The following PLCE1 variants were observed in gnomAD, a reference collection of about 807,000 sequenced individuals.
The protein encoded by PLCE1 is 1-phosphatidylinositol 4,5-bisphosphate phosphodiesterase epsilon-1.
In PLCE1, 119 loss-of-function variants were observed where a neutral mutation model predicts 242.8. The ratio of observed to expected loss-of-function variants is 0.49; its 90% CI spans 0.42 to 0.57. The LOEUF (loss-of-function observed/expected upper bound fraction) is 0.57. PLCE1 is among the 20% of genes least tolerant of loss of function. The pLI is 0.00. For missense variants in PLCE1, 2,441 were observed against 2,788.8 expected, an observed-to-expected ratio of 0.88 and a Z score of 2.81; for synonymous variants, 945 against 1,017.4, an observed-to-expected ratio of 0.93 and a Z score of 1.35.
intron 22 of PLCE1, among the ~76,000 whole-genome samples, chr10:94,288,785 G>C (rs1428957467): frequency 6.6e-6 from 1 of 152,184 alleles, no homozygotes; most frequent in East Asian, 1.9e-4. Flanking sequence ...GCCACATGGG[G>C]AGAGCCTTGC....
chr10:94,212,001 A>G (rs915075637), intron 4 of PLCE1, among the ~76,000 whole-genome samples: 4 of 152,234 alleles, frequency 2.6e-5, no homozygotes, highest in Non-Finnish European at 4.4e-5. Flanking sequence ...CTTGAGAAAT[A>G]CTGAATATTA....
chr10:94,026,077 A>C (rs1050536764), intron 1 of PLCE1, among the ~76,000 whole-genome samples: 5 of 152,186 alleles, frequency 3.3e-5, no homozygotes, highest in African/African-American at 1.2e-4. Context: ...GGGACTCAGT[A>C]TGTAGTTTTC....
At chr10:93,995,265 T>C (rs1678737624) in intron 1 of PLCE1, among the ~76,000 whole-genome samples, 1 of 152,184 alleles carries the variant, frequency 6.6e-6, no homozygotes, top group Non-Finnish European at 1.5e-5. Context: ...CATAAATACT[T>C]TTCTGAAGAA....
At chr10:94,262,880 T>C (rs533341130) in intron 14 of PLCE1, 148 bp downstream of exon 14, 1 of 724,714 alleles carries the variant, frequency 1.4e-6, no homozygotes, top group Admixed American at 2.0e-5. Flanking sequence ...TTTGTTTTTT[T>C]GGGTGTTTTT....
At chr10:94,287,246 CCT>C (rs1399694337) in intron 22 of PLCE1, 3 of 151,826 alleles carry the variant, frequency 2.0e-5, no homozygotes, top group Admixed American at 6.6e-5. Context: ...ACATTTTTTC[CCT>C]GATTTTATTT....
intron 4 of PLCE1, among the ~76,000 whole-genome samples, chr10:94,171,897 C>T (rs1162624405): frequency 2.6e-5 from 4 of 152,100 alleles, no homozygotes; most frequent in Non-Finnish European, 5.9e-5. Context: ...TAACCAACCC[C>T]CTGACCCCCT....
At position 94,310,249 on chromosome 10, in the gene PLCE1, C is replaced by T. The variant is rs111561257; in HGVS notation, c.6003+1550C>T. Among the ~76,000 whole-genome samples the T allele has an allele frequency of 8.2e-3, 1,256 of 152,316 alleles. 29 individuals carry two copies. The highest frequency in any genetic ancestry group is 0.029 in the African/African-American group (1,198 of 41,550). On this transcript the variant is annotated intron_variant, in intron 27 of 32. Transcript: ENST00000371380. ...CTGGCCATGATGGCTTCCACTGCCA[C>T]TTTCTGCTTTCTTTTCTGCCCTTCT...
At chr10:94,087,782 G>A (rs138698127) in intron 2 of PLCE1, among the ~76,000 whole-genome samples, 2,723 of 152,272 alleles carry the variant, frequency 0.018, 33 homozygotes, top group Middle Eastern at 0.051. Flanking sequence ...AAGGGAAGTG[G>A]ACTGACTAAA....
chr10:94,161,451 C>T (rs112723354), intron 3 of PLCE1, among the ~76,000 whole-genome samples: 1,839 of 152,254 alleles, frequency 0.012, 40 homozygotes, highest in African/African-American at 0.041. Flanking sequence ...CATGATTTGG[C>T]TCTCTGTCTG....
intron 3 of PLCE1, among the ~76,000 whole-genome samples, chr10:94,157,573 G>T (rs552187056): frequency 6.6e-6 from 1 of 152,198 alleles, no homozygotes; most frequent in Non-Finnish European, 1.5e-5. Context: ...GAGTATGGAG[G>T]CAGTGCCCTG....
chr10:94,219,467 A>G (rs1449834964), intron 4 of PLCE1, among the ~76,000 whole-genome samples: 1 of 152,172 alleles, frequency 6.6e-6, no homozygotes, highest in Non-Finnish European at 1.5e-5. Context: ...CTCCAGGCTC[A>G]TATCTTTACA....
intron 11 of PLCE1, among the ~76,000 whole-genome samples, chr10:94,257,334 C>CA (rs901721582): frequency 1.1e-4 from 16 of 150,444 alleles, no homozygotes; most frequent in African/African-American, 3.7e-4. Flanking sequence ...TGAAATATTT[C>CA]AAAAAAAACT....
At chr10:94,296,809 C>A (rs1000144551) in intron 23 of PLCE1, among the ~76,000 whole-genome samples, 1 of 152,142 alleles carries the variant, frequency 6.6e-6, no homozygotes, top group African/African-American at 2.4e-5. Flanking sequence ...GCCTAACTTT[C>A]AACCTGTCTT....
rs751180713 is a variant in PLCE1, at chr10:94,273,691, C to G, written c.4636C>G (p.Gln1546Glu). Residue 1546 changes from glutamine to glutamate, a missense_variant, in exon 19 of 33, where the codon CAG becomes GAG. This residue lies in a region of PLCE1 where 1,004 missense variants were observed against 1,322.7 expected (regional missense o/e 0.76). Transcript: ENST00000371380. The part of the protein sequence containing the change: ...LLKNKKLKAH[Q>E]TPVDILKQKA... ...TAAAAACAAGAAGCTAAAAGCCCAT[C>G]AGACGCCAGTGGATATCTTAAAGCA... The G allele has an allele frequency of 1.2e-6, 2 of 1,613,952 alleles. No homozygotes were observed. The highest frequency in any genetic ancestry group is 1.7e-6 in the Non-Finnish European group (2 of 1,179,888).
intron 4 of PLCE1, among the ~76,000 whole-genome samples, chr10:94,217,877 C>T (rs564359368): frequency 9.9e-5 from 15 of 151,380 alleles, no homozygotes; most frequent in Admixed American, 5.3e-4. Context: ...AAGGAGGTGA[C>T]AATTTAGAGA....
chr10:94,325,728 T>A (rs989188950), intron 32 of PLCE1: 1 of 152,282 alleles, frequency 6.6e-6, no homozygotes, highest in Admixed American at 6.5e-5. Flanking sequence ...AGTACTCTGA[T>A]AGCCTTATTT....
intron 1 of PLCE1, among the ~76,000 whole-genome samples, chr10:94,008,563 C>T (rs988340342): frequency 2.6e-5 from 4 of 152,186 alleles, no homozygotes; most frequent in African/African-American, 4.8e-5. Context: ...CCTGCCTCAG[C>T]CTCCAAAAGT....
intron 32 of PLCE1, among the ~76,000 whole-genome samples, chr10:94,327,698 T>C (rs1217166244): frequency 1.3e-5 from 2 of 152,366 alleles, no homozygotes; most frequent in East Asian, 3.9e-4. Flanking sequence ...CACCTTTTCT[T>C]AAAGTTGAAC....
At chr10:94,134,695 A>G (rs530008231) in intron 3 of PLCE1, among the ~76,000 whole-genome samples, 1 of 152,304 alleles carries the variant, frequency 6.6e-6, no homozygotes, top group Non-Finnish European at 1.5e-5. Context: ...AGGTCTGTGG[A>G]GAGAAATAAG....
Sources: allele counts gnomAD v4.1 joint callset (sites outside exome capture counted in the v4.1 genomes callset), GRCh38; gene constraint gnomAD v4.1.1; regional missense constraint gnomAD v4.1.1; transcripts MANE v1.5; gene names NCBI Gene and HGNC (gene_info 2026-07-23, HGNC 2026-07-21).